The following TRPM6 variants were observed in gnomAD, a reference collection of about 807,000 sequenced individuals.
The protein encoded by TRPM6 is channel kinase 2.
In TRPM6, 111 loss-of-function variants were observed where a neutral mutation model predicts 247.6. That is an observed-to-expected ratio of 0.45 (90% confidence interval 0.38 to 0.52). The LOEUF (loss-of-function observed/expected upper bound fraction) is 0.52. Ranked by LOEUF, TRPM6 falls within the 20% of genes least tolerant of loss-of-function variation. TRPM6 has a pLI of 0.00. For synonymous variants in TRPM6, 892 were observed against 853.8 expected (o/e 1.04, Z -0.78); for missense variants, 2,126 against 2,421.5 (o/e 0.88, Z 2.56).
intron 3 of TRPM6, among the ~76,000 whole-genome samples, chr9:74,845,839 AAAGT>A (rs1391088135): frequency 6.6e-6 from 1 of 152,164 alleles, no homozygotes; most frequent in African/African-American, 2.4e-5. Context: ...AACAAAACGA[AAAGT>A]AAGAATAATT....
intron 1 of TRPM6, among the ~76,000 whole-genome samples, chr9:74,863,899 T>TA (rs1554732257): frequency 8.6e-5 from 13 of 150,776 alleles, no homozygotes; most frequent in Non-Finnish European, 1.3e-4. Flanking sequence ...TTTTTTTTTT[T>TA]AAAAAAACAT....
At chr9:74,793,948 C>T (rs1310589105) in intron 18 of TRPM6, among the ~76,000 whole-genome samples, 1 of 151,826 alleles carries the variant, frequency 6.6e-6, no homozygotes, top group African/African-American at 2.4e-5. Flanking sequence ...CTGAATGTGA[C>T]TATACAAACA....
At position 74,801,859 on chromosome 9, in the gene TRPM6, G is replaced by A. The variant is rs777815621; in HGVS notation, c.2009+39C>T. On this transcript the variant is annotated intron_variant, in intron 16 of 38. Coordinates refer to ENST00000360774, the MANE Select transcript of TRPM6 (RefSeq NM_017662.5). ...TAAAAGTGTCTAACCATTCTAAGAAGTGTTGATGTTTAGTATGAAGTGAAG... is the reference window on the plus strand; with the variant it reads ...TAAAAGTGTCTAACCATTCTAAGAAATGTTGATGTTTAGTATGAAGTGAAG... 27 of 1,608,260 alleles carry A rather than the reference G, an allele frequency of 1.7e-5. 1 individual carries two copies. In the South Asian group the frequency reaches 2.7e-4, roughly 16 times the overall value.
intron 23 of TRPM6, among the ~76,000 whole-genome samples, chr9:74,780,070 G>A (rs957207936): frequency 6.6e-6 from 1 of 151,952 alleles, no homozygotes; most frequent in African/African-American, 2.4e-5. Context: ...TACTCGGGAG[G>A]CTGAGGCAGA....
At chr9:74,821,935 T>A in intron 7 of TRPM6, 98 bp from the exon 8 acceptor site, 6 of 1,352,582 alleles carry the variant, frequency 4.4e-6, no homozygotes, top group Non-Finnish European at 6.2e-6. Flanking sequence ...AATTACCACC[T>A]ATGTTCATTC....
chr9:74,831,358 C>T (rs748153793), intron 6 of TRPM6, among the ~76,000 whole-genome samples: 3 of 151,998 alleles, frequency 2.0e-5, no homozygotes, highest in Non-Finnish European at 2.9e-5. Context: ...GGTGTGGTAG[C>T]GGGTGCCTGT....
chr9:74,874,103 G>A (rs1160567311), intron 1 of TRPM6, among the ~76,000 whole-genome samples: 1 of 152,172 alleles, frequency 6.6e-6, no homozygotes, highest in East Asian at 1.9e-4. Flanking sequence ...GGGCATGGTG[G>A]TACATGCCTG....
Position 74,722,642 on chromosome 9 carries a change from T to C in TRPM6, c.*1971A>G, listed in dbSNP as rs1277758836. On this transcript the variant is annotated 3_prime_UTR_variant, in exon 39 of 39. Coordinates refer to ENST00000360774, the MANE Select transcript of TRPM6 (RefSeq NM_017662.5). Reference sequence around the variant, plus strand: ...AGTGCAGCACTGAGGTGAGTACCAATTGTTCCTTTACTGACTTGTAGAATA... The same window carrying C: ...AGTGCAGCACTGAGGTGAGTACCAACTGTTCCTTTACTGACTTGTAGAATA... The C allele has an allele frequency of 6.6e-6, 1 of 152,344 alleles. No homozygotes were observed. The highest frequency in any genetic ancestry group is 1.9e-4 in the East Asian group (1 of 5,190). 9.4% of individuals were successfully genotyped at this position (152,344 alleles called of 1,614,324 possible).
At chr9:74,873,151 C>T (rs73536148) in intron 1 of TRPM6, among the ~76,000 whole-genome samples, 3,219 of 152,232 alleles carry the variant, frequency 0.021, 132 homozygotes, top group African/African-American at 0.074. Flanking sequence ...AATTCACCTA[C>T]AGGTATTCTC....
intron 6 of TRPM6, among the ~76,000 whole-genome samples, chr9:74,828,199 C>CA (rs1055557734): frequency 2.0e-4 from 30 of 151,194 alleles, no homozygotes; most frequent in Admixed American, 4.0e-4. Context: ...TAAAAATACA[C>CA]AAAAAAATTG....
At position 74,854,351 on chromosome 9, in the gene TRPM6, T is replaced by C. The variant is rs887385164; in HGVS notation, c.152+1176A>G. On this transcript the variant is annotated intron_variant, in intron 3 of 38. Transcript: ENST00000360774. ...AGTTTCTAAAGAATATAGTAGAAAC[T>C]AGGTAGAATATATGAGGTCTTTTCT... Among the ~76,000 whole-genome samples, 3 of 152,176 alleles carry C rather than the reference T, an allele frequency of 2.0e-5. No homozygotes were observed. In the South Asian group the frequency reaches 6.2e-4, roughly 32 times the overall value.
chr9:74,823,678 G>A (rs1460619783), intron 7 of TRPM6, among the ~76,000 whole-genome samples: 2 of 152,142 alleles, frequency 1.3e-5, no homozygotes, highest in African/African-American at 4.8e-5. Flanking sequence ...GGCAAAAATA[G>A]TATAAGGCAC....
At chr9:74,861,234 T>A (rs1273745563) in intron 1 of TRPM6, among the ~76,000 whole-genome samples, 1 of 152,230 alleles carries the variant, frequency 6.6e-6, no homozygotes, top group Non-Finnish European at 1.5e-5. Flanking sequence ...CCTGAATCTA[T>A]GAATTCATTC....
chr9:74,796,700 C>T lies in TRPM6; in HGVS notation c.2391+41G>A, dbSNP rs371656061. The T allele has an allele frequency of 5.0e-6, 8 of 1,602,910 alleles. No homozygotes were observed. In the African/African-American group the frequency reaches 1.1e-4, roughly 21 times the overall value. ...AAGGATGTGTATATTTGCGTGCAGT[C>T]AATACAATGAAAATTCAGTTCATTA... On this transcript the variant is annotated intron_variant, in intron 18 of 38. Coordinates refer to ENST00000360774, the MANE Select transcript of TRPM6 (RefSeq NM_017662.5).
chr9:74,842,107 G>C, intron 4 of TRPM6, 59 bp downstream of exon 4: 1 of 1,544,020 alleles, frequency 6.5e-7, no homozygotes, highest in Non-Finnish European at 8.9e-7. Flanking sequence ...GCAAAACCCC[G>C]TCTCGAAAAA....
In TRPM6 at chr9:74,762,989, C is replaced by T. The variant is rs550965585; in HGVS notation, c.3682G>A (p.Val1228Ile). The change falls in exon 26 of 39, where the codon GTT becomes ATT. Residue 1228 changes from valine (V) to isoleucine (I), a missense_variant. Transcript: ENST00000360774. ...GCCTCATCCTCTTGCAAAGTGTCAA[C>T]AGCAGAAAGGACTTTCAGGGTATCC... ...TVDTLKVLSAVDTLQEDEALL... is the reference protein window; with the variant it reads ...TVDTLKVLSAIDTLQEDEALL... The T allele has an allele frequency of 3.1e-6, 5 of 1,612,662 alleles. No individual in the cohort carries two copies. In the South Asian group the frequency reaches 3.3e-5, roughly 11 times the overall value.
At chr9:74,847,610 T>C (rs913883005) in intron 3 of TRPM6, among the ~76,000 whole-genome samples, 1 of 152,028 alleles carries the variant, frequency 6.6e-6, no homozygotes, top group Non-Finnish European at 1.5e-5. Context: ...AATATATATA[T>C]AGTCATATAT....
intron 1 of TRPM6, among the ~76,000 whole-genome samples, chr9:74,859,025 A>G (rs1164149956): frequency 6.6e-6 from 1 of 152,222 alleles, no homozygotes; most frequent in Non-Finnish European, 1.5e-5. Flanking sequence ...GCAAGGAAGT[A>G]AAGATGTAAC....
intron 37 of TRPM6, among the ~76,000 whole-genome samples, chr9:74,732,426 G>A (rs143343133): frequency 2.0e-4 from 31 of 152,242 alleles, no homozygotes; most frequent in African/African-American, 6.3e-4. Flanking sequence ...AGTCAAATTT[G>A]CATTAGTCCT....
Sources: allele counts gnomAD v4.1 joint callset (sites outside exome capture counted in the v4.1 genomes callset), GRCh38; gene constraint gnomAD v4.1.1; transcripts MANE v1.5; gene names NCBI Gene and HGNC (gene_info 2026-07-23, HGNC 2026-07-21).